The following ABCG2 variants were observed in gnomAD, a reference collection of about 807,000 sequenced individuals.
ABCG2 encodes ATP binding cassette subfamily G member 2 (JR blood group).
In ABCG2, 80 loss-of-function variants were observed where a neutral mutation model predicts 73.5. The ratio of observed to expected loss-of-function variants is 1.09; its 90% CI spans 0.91 to 1.31. The LOEUF is 1.31. ABCG2 is among the 50% of genes most tolerant of loss of function. The probability of loss-of-function intolerance (pLI) is 0.00; values close to 1 mark genes in which losing one functional copy is unlikely to be tolerated. For synonymous variants in ABCG2, 269 were observed against 282.4 expected (o/e 0.95, Z 0.48); for missense variants, 796 against 786.2 (o/e 1.01, Z -0.15).
upstream of ABCG2, among the ~76,000 whole-genome samples, chr4:88,161,222 C>A (rs1382721934): frequency 7.4e-6 from 1 of 134,302 alleles, no homozygotes; most frequent in Non-Finnish European, 1.6e-5. Context: ...GCACATTGTG[C>A]AGGTTAGTTA....
intron 9 of ABCG2, among the ~76,000 whole-genome samples, chr4:88,108,990 T>C (rs1722942850): frequency 6.7e-6 from 1 of 149,668 alleles, no homozygotes; most frequent in South Asian, 2.1e-4. Context: ...TTTAAGAATA[T>C]TCAATTCAGG....
intron 1 of ABCG2, among the ~76,000 whole-genome samples, chr4:88,222,257 T>C (rs1015928942): frequency 2.0e-5 from 3 of 152,204 alleles, no homozygotes; most frequent in African/African-American, 7.2e-5. Flanking sequence ...TATGGAAGTA[T>C]GGAAATGCCT....
In ABCG2 at chr4:88,140,605, G is replaced by C. The variant is rs375476239; in HGVS notation, c.-19-591C>G. Reference sequence around the variant, plus strand: ...CCACTGTACTCCAGCCTGAGCGATAGAGCGAGACTCCATCTCAAAAACAAA... The same window carrying C: ...CCACTGTACTCCAGCCTGAGCGATACAGCGAGACTCCATCTCAAAAACAAA... On this transcript the variant is annotated intron_variant, in intron 1 of 15. Coordinates refer to ENST00000237612, the MANE Select transcript of ABCG2 (RefSeq NM_004827.3). Among the ~76,000 whole-genome samples the C allele has an allele frequency of 8.3e-4, 126 of 152,182 alleles. 6 individuals are homozygous for C. In the South Asian group the frequency reaches 0.023, roughly 28 times the overall value.
intron 1 of ABCG2, among the ~76,000 whole-genome samples, chr4:88,149,996 T>TG (rs1726339014): frequency 1.3e-5 from 2 of 151,636 alleles, no homozygotes; most frequent in Admixed American, 1.3e-4. Context: ...TCAACAGTGC[T>TG]ACGGAGAAAA....
At chr4:88,105,737 T>A (rs1204540731) in intron 10 of ABCG2, among the ~76,000 whole-genome samples, 2 of 152,156 alleles carry the variant, frequency 1.3e-5, no homozygotes, top group African/African-American at 4.8e-5. Flanking sequence ...AAGGACACTA[T>A]CAATACTGAA....
chr4:88,148,559 T>A (rs1310895001), intron 1 of ABCG2, among the ~76,000 whole-genome samples: 3 of 152,160 alleles, frequency 2.0e-5, no homozygotes, highest in African/African-American at 7.2e-5. Context: ...TCCTCACTCC[T>A]ATATATCCTG....
chr4:88,153,509 T>C (rs1468669528), intron 1 of ABCG2, among the ~76,000 whole-genome samples: 3 of 138,902 alleles, frequency 2.2e-5, no homozygotes, highest in Non-Finnish European at 4.8e-5. Flanking sequence ...AAAAGACCAG[T>C]AGTCCGTTCT....
chr4:88,110,573 C>T (rs1723071404), intron 9 of ABCG2, among the ~76,000 whole-genome samples: 1 of 152,058 alleles, frequency 6.6e-6, no homozygotes, highest in South Asian at 2.1e-4. Context: ...GCTTTATTGC[C>T]CAAGCTGTTC....
intron 1 of ABCG2, among the ~76,000 whole-genome samples, chr4:88,152,833 T>C (rs1421749193): frequency 6.6e-6 from 1 of 151,998 alleles, no homozygotes; most frequent in Admixed American, 6.6e-5. Flanking sequence ...TGGGTGATGT[T>C]TCTCAGGGCT....
At chr4:88,177,491 C>A (rs1439989379) in intron 1 of ABCG2, among the ~76,000 whole-genome samples, 4 of 151,918 alleles carry the variant, frequency 2.6e-5, no homozygotes, top group African/African-American at 7.3e-5. Context: ...AAAAACTAAG[C>A]GGGAGAGACA....
chr4:88,132,680 A>G lies in ABCG2; in HGVS notation c.204-45T>C, dbSNP rs566832204. 3.8e-5 allele frequency: 61 copies of G among 1,604,400 alleles called. 1 individual carries two copies. In the South Asian group the frequency reaches 6.4e-4, roughly 17 times the overall value. ...CTGATTTACTATTCCATTTTAAGTCAGGTTCTATTAATTTAGGGTAGGCAC... is the reference window on the plus strand; with the variant it reads ...CTGATTTACTATTCCATTTTAAGTCGGGTTCTATTAATTTAGGGTAGGCAC... On this transcript the variant is annotated intron_variant, in intron 2 of 15. Coordinates refer to ENST00000237612, the MANE Select transcript of ABCG2 (RefSeq NM_004827.3).
At position 88,182,055 on chromosome 4, in the gene ABCG2, A is replaced by G. The variant is rs946320975; in HGVS notation, c.-19-42041T>C. Among the ~76,000 whole-genome samples, 3 of 152,152 alleles carry G rather than the reference A, an allele frequency of 2.0e-5. No individual in the cohort carries two copies. In the East Asian group the frequency reaches 5.8e-4, roughly 29 times the overall value. The stretch of plus-strand genomic sequence containing the variant: ...AGAAACACTTCACCTATAAAGACAC[A>G]CATAAACTGAAAATAAAGAAATGGA... On this transcript the variant is annotated intron_variant, in intron 1 of 15. Transcript: ENST00000515655.
chr4:88,194,367 G>A (rs1007710383), intron 1 of ABCG2, among the ~76,000 whole-genome samples: 1 of 151,638 alleles, frequency 6.6e-6, no homozygotes, highest in Admixed American at 6.6e-5. Context: ...TGGCTAACAC[G>A]GTTAAACCCC....
chr4:88,091,991 G>A lies in ABCG2; in HGVS notation c.*243C>T, dbSNP rs1403692581. Reference sequence around the variant, plus strand: ...TTTTTTAGATTAATAAATTAGACCAGATTTCTTCCCCATGGTTACTGTCTG... The same window carrying A: ...TTTTTTAGATTAATAAATTAGACCAAATTTCTTCCCCATGGTTACTGTCTG... On this transcript the variant is annotated 3_prime_UTR_variant, in exon 16 of 16. Coordinates refer to ENST00000237612, the MANE Select transcript of ABCG2 (RefSeq NM_004827.3). 8 of 348,844 alleles carry A rather than the reference G, an allele frequency of 2.3e-5. No individual in the cohort carries two copies. The highest frequency in any genetic ancestry group is 4.1e-5 in the Non-Finnish European group (8 of 193,828). The allele number at this position is 348,844 out of a possible 1,614,324, so 21.6% of individuals were successfully genotyped here. A position where few individuals can be genotyped will look rare whatever the true frequency, so the allele number is the denominator to read the frequency against.
intron 1 of ABCG2, among the ~76,000 whole-genome samples, chr4:88,220,256 G>A (rs893465704): frequency 4.4e-4 from 67 of 152,148 alleles, no homozygotes; most frequent in Non-Finnish European, 1.0e-4. Flanking sequence ...ACTTTTGGCT[G>A]TTGTAAATAA....
At chr4:88,192,199 A>G (rs1353431508) in intron 1 of ABCG2, among the ~76,000 whole-genome samples, 1 of 151,364 alleles carries the variant, frequency 6.6e-6, no homozygotes, top group Non-Finnish European at 1.5e-5. Context: ...AAAAAAAAAG[A>G]AAGAAATTTG....
At chr4:88,154,774 G>A (rs956027143) in intron 1 of ABCG2, among the ~76,000 whole-genome samples, 13 of 152,186 alleles carry the variant, frequency 8.5e-5, no homozygotes, top group Non-Finnish European at 1.5e-4. Context: ...ATAGCTGGAG[G>A]AGCCGGGGAG....
intron 1 of ABCG2, among the ~76,000 whole-genome samples, chr4:88,210,501 T>C (rs1459559893): frequency 1.3e-5 from 2 of 152,198 alleles, no homozygotes; most frequent in Non-Finnish European, 2.9e-5. Context: ...TCAGTGAGGA[T>C]GAAGGATGTT....
At chr4:88,105,821 T>C (rs1722732385) in intron 10 of ABCG2, among the ~76,000 whole-genome samples, 1 of 152,142 alleles carries the variant, frequency 6.6e-6, no homozygotes, top group African/African-American at 2.4e-5. Flanking sequence ...TCCTCAAAAA[T>C]ATAAAGCACT....
Sources: gnomAD v4.1 joint callset for allele counts (sites outside exome capture counted in the v4.1 genomes callset) on GRCh38, gnomAD v4.1.1 for gene constraint, MANE v1.5 for transcripts, NCBI Gene and HGNC (gene_info 2026-07-23, HGNC 2026-07-21) for gene names.